BAG2: variants seen among roughly 807,000 people sequenced by gnomAD.
BAG2 encodes the protein BAG family molecular chaperone regulator 2.
Under a neutral mutation model 16.4 loss-of-function variants are expected in BAG2, and 8 were observed. The observed-to-expected ratio is 0.49, with a 90% CI of 0.29 to 0.88. The LOEUF (loss-of-function observed/expected upper bound fraction) is 0.88. BAG2 is among the 40% of genes least tolerant of loss of function. The probability of loss-of-function intolerance (pLI) is 0.09; values close to 1 mark genes in which losing one functional copy is unlikely to be tolerated. For synonymous variants in BAG2, 82 were observed against 89.2 expected, an observed-to-expected ratio of 0.92 and a Z score of 0.46; for missense variants, 218 against 248.9, an observed-to-expected ratio of 0.88 and a Z score of 0.84.
Position 57,188,927 on chromosome 6 carries a change from A to C in BAG2, c.*4737A>C, listed in dbSNP as rs778774458. Reference sequence around the variant, plus strand: ...GAGTACAGATGGAAAAACAAAAGATAAAACACAAAAGGAGTACATAAAACA... The same window carrying C: ...GAGTACAGATGGAAAAACAAAAGATCAAACACAAAAGGAGTACATAAAACA... On this transcript the variant is annotated 3_prime_UTR_variant, in exon 3 of 3. Coordinates refer to ENST00000370693, the MANE Select transcript of BAG2 (RefSeq NM_004282.4). 1.4e-4 allele frequency: 22 copies of C among 152,202 alleles called. No homozygotes were observed. The highest frequency in any genetic ancestry group is 4.4e-5 in the Non-Finnish European group (3 of 68,014). The allele number at this position is 152,202 out of a possible 1,614,324, so 9.4% of individuals were successfully genotyped here.
intron 1 of BAG2, chr6:57,173,095 C>A: frequency 9.9e-7 from 1 of 1,009,518 alleles, no homozygotes; most frequent in Non-Finnish European, 1.2e-6. Flanking sequence ...TGTTAGGGAG[C>A]GGAAAAAAAT....
At chr6:57,180,244 A>ATCATGC (rs1353692998) in intron 1 of BAG2, among the ~76,000 whole-genome samples, 1 of 152,204 alleles carries the variant, frequency 6.6e-6, no homozygotes, top group East Asian at 1.9e-4. Context: ...AGAGACATAT[A>ATCATGC]TCATGCCTTT....
At chr6:57,175,800 A>G (rs932663177) in intron 1 of BAG2, among the ~76,000 whole-genome samples, 1 of 152,154 alleles carries the variant, frequency 6.6e-6, no homozygotes, top group Non-Finnish European at 1.5e-5. Context: ...TGTCCTTTGT[A>G]ATACCCTTTA....
chr6:57,178,602 C>T (rs917353940), intron 1 of BAG2, among the ~76,000 whole-genome samples: 1 of 152,056 alleles, frequency 6.6e-6, no homozygotes, highest in African/African-American at 2.4e-5. Context: ...ACATGAAAAG[C>T]CCATGTTGCC....
chr6:57,181,427 C>T (rs1450497421), intron 1 of BAG2, among the ~76,000 whole-genome samples: 3 of 152,160 alleles, frequency 2.0e-5, no homozygotes, highest in Non-Finnish European at 4.4e-5. Context: ...TGTGGTGGCT[C>T]ACACCTGTAA....
At chr6:57,173,493 C>CT (rs1764189818) in intron 1 of BAG2, 18 of 985,082 alleles carry the variant, frequency 1.8e-5, no homozygotes, top group Non-Finnish European at 2.0e-5. Flanking sequence ...ACATAGAAGA[C>CT]TAAGTGCTAG....
rs1014934045 is a variant in BAG2, at chr6:57,188,860, C to T, written c.*4670C>T. On this transcript the variant is annotated 3_prime_UTR_variant, in exon 3 of 3. Transcript: ENST00000370693. ...TACTTTTGATCACTTAACAAGGACACACCCAGGAAATTTGATTTTCTCAAC... is the reference window on the plus strand; with the variant it reads ...TACTTTTGATCACTTAACAAGGACATACCCAGGAAATTTGATTTTCTCAAC... 1.3e-5 allele frequency: 2 copies of T among 152,026 alleles called. No homozygotes were observed. The highest frequency in any genetic ancestry group is 2.1e-4 in the South Asian group (1 of 4,820). 9.4% of individuals were successfully genotyped at this position (152,026 alleles called of 1,614,324 possible). A position where few individuals can be genotyped will look rare whatever the true frequency, so the allele number is the denominator to read the frequency against.
rs867808556 is a variant in BAG2, at chr6:57,172,624, A to C, written c.-74A>C. 5.5e-5 allele frequency: 69 copies of C among 1,260,810 alleles called. No individual in the cohort carries two copies. In the African/African-American group the frequency reaches 9.9e-4, roughly 18 times the overall value. 78.1% of individuals were successfully genotyped at this position (1,260,810 alleles called of 1,614,324 possible). On this transcript the variant is annotated 5_prime_UTR_variant, in exon 1 of 3. Coordinates refer to ENST00000370693, the MANE Select transcript of BAG2 (RefSeq NM_004282.4). ...CCCGCGTGGTGACGGCGACGCCTGC[A>C]GCCCAAGGAGCGCTCCACTCGCTGC...
chr6:57,173,397 A>G, intron 1 of BAG2: 3 of 985,314 alleles, frequency 3.0e-6, no homozygotes, highest in Non-Finnish European at 3.6e-6. Flanking sequence ...TGCAGCAGAG[A>G]CGTTGCCGCT....
In BAG2 at chr6:57,188,336, A is replaced by G. The variant is rs1478066057; in HGVS notation, c.*4146A>G. ...TGCAAATTAAAAATTCAAATATGTA[A>G]CAAAGCTCTCTCTTCAGTTCTTATT... is the stretch of plus-strand genomic sequence containing the variant. On this transcript the variant is annotated 3_prime_UTR_variant, in exon 3 of 3. Coordinates refer to ENST00000370693, the MANE Select transcript of BAG2 (RefSeq NM_004282.4). The G allele has an allele frequency of 3.9e-5, 6 of 152,190 alleles. No homozygotes were observed. Among genetic ancestry groups the G allele is most frequent in the Admixed American group, 3.9e-4 (6 of 15,278 alleles). 9.4% of individuals were successfully genotyped at this position (152,190 alleles called of 1,614,324 possible).
At position 57,172,348 on chromosome 6, in the gene BAG2, G is replaced by A. The variant is rs1157111222; in HGVS notation, c.-350G>A. On this transcript the variant is annotated 5_prime_UTR_variant, in exon 1 of 3. Coordinates refer to ENST00000370693, the MANE Select transcript of BAG2 (RefSeq NM_004282.4). ...AGCAGACGATCCGCTAGCCACATTA[G>A]GCGCTCGGTCTCTGCGTCCGCCCCT... 1 of 163,702 alleles carries A rather than the reference G, an allele frequency of 6.1e-6. No homozygotes were observed. 10.1% of individuals were successfully genotyped at this position (163,702 alleles called of 1,614,324 possible).
Position 57,184,190 on chromosome 6 carries a change from G to A in BAG2, c.636G>A (p.Ter212=), listed in dbSNP as rs781443705. The A allele has an allele frequency of 2.0e-6, 3 of 1,534,492 alleles. No individual in the cohort carries two copies. The highest frequency in any genetic ancestry group is 2.7e-5 in the South Asian group (2 of 74,476). ...LQQNAESRFN[*] ...AAAATGCTGAAAGCAGATTCAATTA[G>A]TCTTCAAACCTAAGAGCATTTACAC... The change falls in exon 3 of 3, where the codon TAG becomes TAA. Residue 212 remains the stop codon, a stop_retained_variant. Coordinates refer to ENST00000370693, the MANE Select transcript of BAG2 (RefSeq NM_004282.4).
In BAG2 at chr6:57,188,740, A is replaced by AATAG. The variant is rs1393565882; in HGVS notation, c.*4554_*4557dup. The AATAG allele has an allele frequency of 2.0e-5, 3 of 152,232 alleles. No homozygotes were observed. The highest frequency in any genetic ancestry group is 2.4e-5 in the African/African-American group (1 of 41,468). The allele number at this position is 152,232 out of a possible 1,614,324, so 9.4% of individuals were successfully genotyped here. On this transcript the variant is annotated 3_prime_UTR_variant, in exon 3 of 3. Transcript: ENST00000370693. ...AAATAAGCATTTTACATTACTGTGA[A>AATAG]ATAGATAATGCCAGATCATTTCAAT...
intron 1 of BAG2, among the ~76,000 whole-genome samples, chr6:57,180,386 A>T (rs1490052092): frequency 6.6e-6 from 1 of 152,098 alleles, no homozygotes; most frequent in Admixed American, 6.5e-5. Flanking sequence ...TTTAAAGAAG[A>T]TTGAGGGACC....
At chr6:57,180,206 T>A (rs1764398307) in intron 1 of BAG2, among the ~76,000 whole-genome samples, 1 of 152,164 alleles carries the variant, frequency 6.6e-6, no homozygotes, top group Non-Finnish European at 1.5e-5. Flanking sequence ...GAAGAATACA[T>A]GGGAACTCTA....
chr6:57,182,097 T>C lies in BAG2; in HGVS notation c.179T>C (p.Ile60Thr), dbSNP rs1764465960. The stretch of plus-strand genomic sequence containing the variant: ...GAGAAAGAAATCCTTCTGGAAATGA[T>C]CCACAGTATCCAAAATAGCCAGGAC... ...EQEKEILLEMIHSIQNSQDMR... is the reference protein window; with the variant it reads ...EQEKEILLEMTHSIQNSQDMR... Residue 60 changes from isoleucine to threonine, a missense_variant, in exon 2 of 3, where the codon ATC becomes ACC. Around this residue, in one of 3 missense-constraint regions of BAG2, gnomAD observed 30 missense variants for 57.8 expected, o/e 0.52. Coordinates refer to ENST00000370693, the MANE Select transcript of BAG2 (RefSeq NM_004282.4). 6.2e-7 allele frequency: 1 copy of C among 1,614,006 alleles called. No individual in the cohort carries two copies. Among genetic ancestry groups the C allele is most frequent in the Non-Finnish European group, 8.5e-7 (1 of 1,180,028 alleles).
intron 1 of BAG2, among the ~76,000 whole-genome samples, chr6:57,175,289 C>T (rs1027335745): frequency 1.3e-5 from 2 of 152,174 alleles, no homozygotes; most frequent in Non-Finnish European, 2.9e-5. Flanking sequence ...ATATATACAA[C>T]GTTTTCCTGG....
In BAG2 at chr6:57,188,271, T is replaced by C. The variant is rs1764688460; in HGVS notation, c.*4081T>C. 6.6e-6 allele frequency: 1 copy of C among 152,202 alleles called. No homozygotes were observed. Among genetic ancestry groups the C allele is most frequent in the Non-Finnish European group, 1.5e-5 (1 of 68,012 alleles). The allele number at this position is 152,202 out of a possible 1,614,324, so 9.4% of individuals were successfully genotyped here. A position where few individuals can be genotyped will look rare whatever the true frequency, so the allele number is the denominator to read the frequency against. On this transcript the variant is annotated 3_prime_UTR_variant, in exon 3 of 3. Coordinates refer to ENST00000370693, the MANE Select transcript of BAG2 (RefSeq NM_004282.4). The stretch of plus-strand genomic sequence containing the variant: ...GCTGACTTTCAGGCCTACTTAATTA[T>C]TTTAAATGACTAATTATGGTTAGGT...
rs1764637162 is a variant in BAG2, at chr6:57,187,255, G to T, written c.*3065G>T. Reference sequence around the variant, plus strand: ...ACTGTAGATATTTCGAGAGACAGATGAAAATAATAATAATAAAGATTATTA... The same window carrying T: ...ACTGTAGATATTTCGAGAGACAGATTAAAATAATAATAATAAAGATTATTA... On this transcript the variant is annotated 3_prime_UTR_variant, in exon 3 of 3. Coordinates refer to ENST00000370693, the MANE Select transcript of BAG2 (RefSeq NM_004282.4). The T allele has an allele frequency of 1.3e-5, 2 of 152,166 alleles. No individual in the cohort carries two copies. Among genetic ancestry groups the T allele is most frequent in the Admixed American group, 1.3e-4 (2 of 15,266 alleles). 9.4% of individuals were successfully genotyped at this position (152,166 alleles called of 1,614,324 possible).
Sources: gnomAD v4.1 joint callset for allele counts (sites outside exome capture counted in the v4.1 genomes callset) on GRCh38, gnomAD v4.1.1 for gene constraint, gnomAD v4.1.1 regional missense constraint, MANE v1.5 for transcripts, NCBI Gene and HGNC (gene_info 2026-07-23, HGNC 2026-07-21) for gene names.